IQCM: variants seen among roughly 807,000 people sequenced by gnomAD.
IQCM encodes the protein IQ domain-containing protein M.
IQCM carries 45 observed loss-of-function variants against 57.6 expected under a neutral mutation model. The ratio of observed to expected loss-of-function variants is 0.78; its 90% CI spans 0.62 to 1.00. IQCM has a LOEUF of 1.00. Ranked by LOEUF, IQCM falls within the 50% of genes least tolerant of loss-of-function variation. IQCM has a pLI of 0.00. For synonymous variants in IQCM, 148 were observed against 158.9 expected (o/e 0.93, Z 0.51); for missense variants, 468 against 511.6 (o/e 0.91, Z 0.82).
chr4:149,486,022 TC>T (rs1182134563), intron 12 of IQCM, among the ~76,000 whole-genome samples: 5 of 36,720 alleles, frequency 1.4e-4, no homozygotes, highest in African/African-American at 3.0e-4. Flanking sequence ...ACAGAGTCTC[TC>T]TCTCTCTCTC....
chr4:149,598,725 T>TA (rs1242959778), intron 8 of IQCM, among the ~76,000 whole-genome samples: 2 of 152,200 alleles, frequency 1.3e-5, no homozygotes, highest in Admixed American at 6.5e-5. Context: ...TGGCAAAGGT[T>TA]AAAACTTTGA....
intron 12 of IQCM, among the ~76,000 whole-genome samples, chr4:149,449,955 C>A (rs1314278976): frequency 1.3e-5 from 2 of 151,696 alleles, no homozygotes. Flanking sequence ...CTAACTTCAA[C>A]TTATACTACA....
chr4:149,544,733 T>C (rs530052925), intron 12 of IQCM, among the ~76,000 whole-genome samples: 4 of 152,108 alleles, frequency 2.6e-5, no homozygotes, highest in Admixed American at 1.3e-4. Context: ...AGCCAAGAAA[T>C]AAACCCATGC....
chr4:149,576,376 T>C (rs573385856), intron 9 of IQCM, among the ~76,000 whole-genome samples: 7 of 151,948 alleles, frequency 4.6e-5, no homozygotes, highest in Non-Finnish European at 8.8e-5. Flanking sequence ...AATATTTAGC[T>C]TGATTTGCTT....
chr4:149,586,802 G>T (rs1752686447), intron 9 of IQCM, among the ~76,000 whole-genome samples: 1 of 151,738 alleles, frequency 6.6e-6, no homozygotes, highest in East Asian at 1.9e-4. Flanking sequence ...CTGTTATTAT[G>T]AACACCTTTT....
intron 10 of IQCM, among the ~76,000 whole-genome samples, chr4:149,560,192 A>G (rs960503634): frequency 4.6e-5 from 7 of 152,338 alleles, no homozygotes; most frequent in African/African-American, 1.7e-4. Flanking sequence ...AATGATAGGA[A>G]ATTCCTACTT....
chr4:149,485,980 C>G (rs528891501), intron 12 of IQCM, among the ~76,000 whole-genome samples: 10 of 150,984 alleles, frequency 6.6e-5, no homozygotes, highest in Non-Finnish European at 1.5e-4. Context: ...GGCAGAGACT[C>G]TTGTTCACTT....
At chr4:149,615,260 T>C (rs1755685354) in intron 8 of IQCM, among the ~76,000 whole-genome samples, 1 of 152,122 alleles carries the variant, frequency 6.6e-6, no homozygotes, top group Admixed American at 6.6e-5. Context: ...AAGTTGGAGA[T>C]GGTGATCTTT....
intron 7 of IQCM, among the ~76,000 whole-genome samples, chr4:149,627,799 G>T (rs1756939594): frequency 6.6e-6 from 1 of 152,190 alleles, no homozygotes; most frequent in Non-Finnish European, 1.5e-5. Context: ...AATGGGGAGG[G>T]AGATTATCCG....
intron 5 of IQCM, among the ~76,000 whole-genome samples, chr4:149,709,379 C>T (rs1764390153): frequency 6.6e-6 from 1 of 152,054 alleles, no homozygotes; most frequent in Non-Finnish European, 1.5e-5. Flanking sequence ...TTTACCAAAG[C>T]ACTTTGTGCC....
intron 9 of IQCM, among the ~76,000 whole-genome samples, chr4:149,578,537 G>A (rs1167315108): frequency 6.6e-6 from 1 of 151,644 alleles, no homozygotes; most frequent in Admixed American, 6.6e-5. Flanking sequence ...TATTCCTCTT[G>A]GGGATACTTC....
At position 149,635,503 on chromosome 4, in the gene IQCM, C is replaced by G. The variant is rs1256032910; in HGVS notation, c.566-14259G>C. 2.0e-5 allele frequency among the ~76,000 whole-genome samples: 3 copies of G among 152,174 alleles called. No individual in the cohort carries two copies. In the East Asian group the frequency reaches 5.8e-4, roughly 29 times the overall value. ...ATGTATAAAATATGCCCTCTCCTGC[C>G]TACTACAAAAAGGTCATAAAGTATT... On this transcript the variant is annotated intron_variant, in intron 7 of 13. Transcript: ENST00000636793.
At chr4:149,355,236 TC>T (rs532853377) in intron 13 of IQCM, among the ~76,000 whole-genome samples, 133 of 152,224 alleles carry the variant, frequency 8.7e-4, no homozygotes, top group Middle Eastern at 3.4e-3. Flanking sequence ...AAGTAAATAT[TC>T]TTTTTTTAAT....
At chr4:149,517,681 G>C (rs1331394838) in intron 12 of IQCM, among the ~76,000 whole-genome samples, 1 of 152,160 alleles carries the variant, frequency 6.6e-6, no homozygotes, top group East Asian at 1.9e-4. Context: ...GGCTGGGAAA[G>C]GCAGACCCAT....
intron 8 of IQCM, among the ~76,000 whole-genome samples, chr4:149,608,404 G>T (rs1579681768): frequency 6.6e-6 from 1 of 151,730 alleles, no homozygotes; most frequent in African/African-American, 2.4e-5. Flanking sequence ...CTTCACTATA[G>T]ACCAAATGAA....
intron 13 of IQCM, among the ~76,000 whole-genome samples, chr4:149,399,952 A>T (rs1219314363): frequency 6.6e-6 from 1 of 151,960 alleles, no homozygotes; most frequent in Non-Finnish European, 1.5e-5. Context: ...AAGGGTGGAC[A>T]CACACACATG....
intron 7 of IQCM, among the ~76,000 whole-genome samples, chr4:149,662,989 G>T (rs1760359145): frequency 6.6e-6 from 1 of 151,740 alleles, no homozygotes; most frequent in Admixed American, 6.6e-5. Context: ...TTCCTCTTTT[G>T]TTGTTTACCT....
At chr4:149,755,698 G>A (rs763461588) in intron 2 of IQCM, among the ~76,000 whole-genome samples, 2 of 152,040 alleles carry the variant, frequency 1.3e-5, no homozygotes, top group Non-Finnish European at 2.9e-5. Flanking sequence ...ATCTCTACAT[G>A]CAGAGACTGC....
At chr4:149,519,388 G>A (rs373849236) in intron 12 of IQCM, among the ~76,000 whole-genome samples, 7 of 152,132 alleles carry the variant, frequency 4.6e-5, no homozygotes, top group African/African-American at 1.2e-4. Context: ...TTGGGAGGCC[G>A]AGGCAGGCAG....
Sources: gnomAD v4.1 joint callset for allele counts (sites outside exome capture counted in the v4.1 genomes callset) on GRCh38, gnomAD v4.1.1 for gene constraint, MANE v1.5 for transcripts, NCBI Gene and HGNC (gene_info 2026-07-23, HGNC 2026-07-21) for gene names.